IGFL2: variants seen among roughly 807,000 people sequenced by gnomAD.
IGFL2 encodes insulin growth factor-like family member 2.
In IGFL2, 7 loss-of-function variants were observed where a neutral mutation model predicts 13.9. The observed-to-expected ratio is 0.51, with a 90% CI of 0.29 to 0.95. The LOEUF is 0.95. IGFL2 is among the 40% of genes least tolerant of loss of function. The probability of loss-of-function intolerance (pLI) is 0.08; values close to 1 mark genes in which losing one functional copy is unlikely to be tolerated. For synonymous variants in IGFL2, 55 were observed against 55.8 expected (o/e 0.99, Z 0.07); for missense variants, 138 against 147.8 (o/e 0.93, Z 0.34).
At chr19:46,107,037 C>T in the IGFL2 span, among the ~76,000 whole-genome samples, 1 of 152,112 alleles carries the variant, frequency 6.6e-6, no homozygotes, top group Non-Finnish European at 1.5e-5. Context: ...AATAAGGTAA[C>T]TGGGCAAGTG....
the IGFL2 span, among the ~76,000 whole-genome samples, chr19:46,084,298 TA>T: frequency 6.6e-6 from 1 of 152,238 alleles, no homozygotes; most frequent in Non-Finnish European, 1.5e-5. Flanking sequence ...ATAAATCTAT[TA>T]AGTTCATTTG....
the IGFL2 span, among the ~76,000 whole-genome samples, chr19:46,128,312 CT>C: frequency 2.6e-5 from 4 of 152,108 alleles, no homozygotes; most frequent in Admixed American, 2.6e-4. Flanking sequence ...GATGTACTCT[CT>C]TTTTATTTAG....
the IGFL2 span, among the ~76,000 whole-genome samples, chr19:46,171,223 C>T: frequency 6.6e-6 from 1 of 152,094 alleles, no homozygotes; most frequent in African/African-American, 2.4e-5. Context: ...TTAGGGAAAA[C>T]AGAAAAGAAC....
At chr19:46,150,279 C>G (rs1191571438) in intron 1 of IGFL2, among the ~76,000 whole-genome samples, 2 of 152,076 alleles carry the variant, frequency 1.3e-5, no homozygotes, top group African/African-American at 4.8e-5. Context: ...ATACTCATCC[C>G]TTATCATATA....
At chr19:46,198,111 C>T in the IGFL2 span, 1 of 149,378 alleles carries the variant, frequency 6.7e-6, no homozygotes, top group Non-Finnish European at 1.5e-5. Flanking sequence ...TTCCCCCCTT[C>T]CTCCCTTCTT....
At chr19:46,095,314 A>C in the IGFL2 span, among the ~76,000 whole-genome samples, 2 of 152,076 alleles carry the variant, frequency 1.3e-5, no homozygotes, top group Admixed American at 6.6e-5. Flanking sequence ...TTTGTGTGTC[A>C]CATAAATGTC....
the IGFL2 span, among the ~76,000 whole-genome samples, chr19:46,105,297 G>A: frequency 1.3e-5 from 2 of 152,162 alleles, no homozygotes; most frequent in African/African-American, 4.8e-5. Flanking sequence ...GTGAGGGCTC[G>A]AGTTAAGGCA....
the IGFL2 span, among the ~76,000 whole-genome samples, chr19:46,081,290 A>G: frequency 9.2e-5 from 14 of 152,238 alleles, no homozygotes; most frequent in Admixed American, 9.2e-4. Flanking sequence ...ACTTTAAAAT[A>G]ATTTTAGACT....
chr19:46,105,225 G>A, the IGFL2 span, among the ~76,000 whole-genome samples: 3 of 152,204 alleles, frequency 2.0e-5, no homozygotes, highest in African/African-American at 7.2e-5. Flanking sequence ...GCATGATGGT[G>A]CAGGATATGG....
chr19:46,180,746 T>G, the IGFL2 span: 29 of 152,340 alleles, frequency 1.9e-4, 1 homozygote, highest in East Asian at 5.2e-3. Context: ...GCGGAAGCCC[T>G]GAGAGCACCT....
the IGFL2 span, among the ~76,000 whole-genome samples, chr19:46,090,694 C>T: frequency 3.3e-5 from 5 of 152,228 alleles, no homozygotes; most frequent in African/African-American, 1.2e-4. Flanking sequence ...AAGCCTGTGG[C>T]TGCTGGTGCC....
the IGFL2 span, among the ~76,000 whole-genome samples, chr19:46,182,365 TAAAAAAAAAAAA>T: frequency 2.5e-5 from 2 of 78,690 alleles, no homozygotes; most frequent in South Asian, 4.5e-4. Context: ...AGACTTTGCC[TAAAAAAAAAAAA>T]AAAAAAAAAA....
At chr19:46,104,783 G>GA in the IGFL2 span, among the ~76,000 whole-genome samples, 7 of 152,228 alleles carry the variant, frequency 4.6e-5, no homozygotes, top group African/African-American at 1.4e-4. Flanking sequence ...CGATGGAAAG[G>GA]AAATGAGAGG....
the IGFL2 span, among the ~76,000 whole-genome samples, chr19:46,206,402 A>G: frequency 3.3e-5 from 5 of 152,236 alleles, no homozygotes; most frequent in African/African-American, 9.6e-5. Flanking sequence ...TAGCACAGAA[A>G]ACCAGGCCAA....
chr19:46,190,813 G>A, the IGFL2 span, among the ~76,000 whole-genome samples: 12 of 152,296 alleles, frequency 7.9e-5, no homozygotes, highest in South Asian at 2.1e-4. Flanking sequence ...GCAAAATCAC[G>A]GACCTGGATC....
chr19:46,160,158 A>G (rs1974070624), intron 1 of IGFL2: 1 of 510,206 alleles, frequency 2.0e-6, no homozygotes, highest in African/African-American at 1.9e-5. Context: ...AAACTTCAGC[A>G]TATTCTTAGA....
intron 1 of IGFL2, chr19:46,159,046 A>G (rs747418863): frequency 3.3e-5 from 5 of 152,228 alleles, no homozygotes; most frequent in South Asian, 2.1e-4. Flanking sequence ...TATTATTACT[A>G]TTATTACAAT....
At chr19:46,103,687 A>T in the IGFL2 span, among the ~76,000 whole-genome samples, 1 of 152,212 alleles carries the variant, frequency 6.6e-6, no homozygotes, top group African/African-American at 2.4e-5. Flanking sequence ...AGTAGGGATG[A>T]CAAGTTTTTG....
chr19:46,142,725 C>T (rs1224099204), upstream of IGFL2, among the ~76,000 whole-genome samples: 1 of 152,198 alleles, frequency 6.6e-6, no homozygotes, highest in East Asian at 1.9e-4. Context: ...AGAGATACTG[C>T]TCTGTATGTA....
Sources: allele counts gnomAD v4.1 joint callset (sites outside exome capture counted in the v4.1 genomes callset), GRCh38; gene constraint gnomAD v4.1.1; transcripts MANE v1.5; gene names NCBI Gene and HGNC (gene_info 2026-07-23, HGNC 2026-07-21).